Variants in AVL9 observed in about 807,000 individuals in gnomAD.
The protein encoded by AVL9 is late secretory pathway protein AVL9 homolog.
In AVL9, 49 loss-of-function variants were observed where a neutral mutation model predicts 79.2. The observed-to-expected ratio is 0.62, with a 90% CI of 0.49 to 0.79. The LOEUF is 0.79. Ranked by LOEUF, AVL9 falls within the 30% of genes least tolerant of loss-of-function variation. The pLI is 0.00. For synonymous variants in AVL9, 299 were observed against 280.6 expected, an observed-to-expected ratio of 1.07 and a Z score of -0.65; for missense variants, 682 against 776.8, an observed-to-expected ratio of 0.88 and a Z score of 1.45.
intron 4 of AVL9, among the ~76,000 whole-genome samples, chr7:32,549,457 G>A (rs1362208505): frequency 2.0e-5 from 3 of 151,622 alleles, no homozygotes; most frequent in African/African-American, 4.8e-5. Flanking sequence ...AAACTCCTGA[G>A]CTCAAGCAAC....
At chr7:32,562,284 A>G (rs73099500) in intron 10 of AVL9, among the ~76,000 whole-genome samples, 9,688 of 151,940 alleles carry the variant, frequency 0.064, 370 homozygotes, top group Non-Finnish European at 0.085. Flanking sequence ...TTTTAAAAGA[A>G]AAAAGCTTAG....
intron 13 of AVL9, among the ~76,000 whole-genome samples, chr7:32,576,372 C>A (rs1352908606): frequency 3.3e-5 from 5 of 152,178 alleles, no homozygotes; most frequent in Admixed American, 3.3e-4. Flanking sequence ...TTCTCTTTCT[C>A]CCTGGAGCTG....
At chr7:32,541,930 G>C (rs1789229115) in intron 1 of AVL9, among the ~76,000 whole-genome samples, 1 of 151,958 alleles carries the variant, frequency 6.6e-6, no homozygotes, top group Non-Finnish European at 1.5e-5. Flanking sequence ...GGCCAGGCTG[G>C]TCTCGAACTT....
chr7:32,501,950 A>G (rs1420716716), intron 1 of AVL9, among the ~76,000 whole-genome samples: 1 of 152,102 alleles, frequency 6.6e-6, no homozygotes, highest in Non-Finnish European at 1.5e-5. Flanking sequence ...CCTTTTTTAT[A>G]TGGATTAAGA....
At chr7:32,514,818 CCTATCTCCCTTCA>C (rs1787839372) in intron 1 of AVL9, among the ~76,000 whole-genome samples, 1 of 152,206 alleles carries the variant, frequency 6.6e-6, no homozygotes, top group Admixed American at 6.5e-5. Flanking sequence ...CAGCCCCACC[CCTATCTCCCTTCA>C]CTGACTCTCT....
intron 1 of AVL9, among the ~76,000 whole-genome samples, chr7:32,506,335 T>C (rs922947398): frequency 1.3e-5 from 2 of 152,172 alleles, no homozygotes; most frequent in Admixed American, 1.3e-4. Context: ...GGGTCATTAT[T>C]AAGTAAAATA....
chr7:32,568,937 G>A (rs932729926), intron 10 of AVL9, among the ~76,000 whole-genome samples: 1 of 152,170 alleles, frequency 6.6e-6, no homozygotes, highest in Non-Finnish European at 1.5e-5. Context: ...ACATTTTCAA[G>A]AGTAAGAATA....
chr7:32,505,259 C>T (rs1481503473), intron 1 of AVL9, among the ~76,000 whole-genome samples: 3 of 151,790 alleles, frequency 2.0e-5, no homozygotes, highest in Non-Finnish European at 2.9e-5. Context: ...GGCGTGGTGG[C>T]TTACGCCTGT....
At chr7:32,581,066 G>A (rs1036887470) in intron 15 of AVL9, 176 bp downstream of exon 15, 2 of 568,520 alleles carry the variant, frequency 3.5e-6, no homozygotes, top group African/African-American at 5.4e-5. Context: ...ATTCCAAATG[G>A]TCAAACTCCA....
chr7:32,566,180 A>ATCTTTTTTTTT (rs70992731), intron 10 of AVL9, among the ~76,000 whole-genome samples: 42 of 93,848 alleles, frequency 4.5e-4, no homozygotes, highest in East Asian at 9.9e-4. Flanking sequence ...TATTATTATT[A>ATCTTTTTTTTT]TTTTTTTTTT....
intron 10 of AVL9, among the ~76,000 whole-genome samples, chr7:32,566,174 A>ATTTTTTTTT (rs1562792833): frequency 7.7e-6 from 1 of 129,902 alleles, no homozygotes; most frequent in East Asian, 2.3e-4. Context: ...TTTAATTATT[A>ATTTTTTTTT]TTATTATTTT....
chr7:32,583,933 T>C lies in AVL9; in HGVS notation c.*26T>C. On this transcript the variant is annotated 3_prime_UTR_variant, in exon 16 of 16. Coordinates refer to ENST00000318709, the MANE Select transcript of AVL9 (RefSeq NM_015060.3). ...GCAAGGCGTCAGAGGCTGCTATTGC[T>C]TTCTGAGGTTTAAGTGTCCCCTGTC... is the stretch of plus-strand genomic sequence containing the variant. The C allele has an allele frequency of 6.5e-7, 1 of 1,545,444 alleles. No homozygotes were observed. Among genetic ancestry groups the C allele is most frequent in the Non-Finnish European group, 8.9e-7 (1 of 1,118,210 alleles).
At chr7:32,532,412 G>T (rs1032835023) in intron 1 of AVL9, 1 of 152,152 alleles carries the variant, frequency 6.6e-6, no homozygotes, top group Admixed American at 6.6e-5. Flanking sequence ...CCACTTCAAG[G>T]TGGTGTTTTA....
chr7:32,544,402 T>A (rs1443868004), intron 2 of AVL9, among the ~76,000 whole-genome samples: 1 of 152,226 alleles, frequency 6.6e-6, no homozygotes, highest in Non-Finnish European at 1.5e-5. Context: ...ACTGTCTACT[T>A]TCTTTTCATC....
chr7:32,567,975 C>T (rs12673646), intron 10 of AVL9, among the ~76,000 whole-genome samples: 75,860 of 151,394 alleles, frequency 0.5, 20,684 homozygotes, highest in Admixed American at 0.65. Flanking sequence ...CCTCTTCAGC[C>T]TCCCAAAGTG....
chr7:32,504,297 T>C (rs1033993824), intron 1 of AVL9, among the ~76,000 whole-genome samples: 5 of 152,240 alleles, frequency 3.3e-5, no homozygotes, highest in African/African-American at 1.2e-4. Context: ...TTTATAGCTT[T>C]GATGACATCT....
chr7:32,512,953 T>TGGGATCCATAAGGAGGCATGGA (rs1554334334), intron 1 of AVL9, among the ~76,000 whole-genome samples: 384 of 151,766 alleles, frequency 2.5e-3, no homozygotes, highest in Middle Eastern at 0.01. Flanking sequence ...AATTTGTGTA[T>TGGGATCCATAAGGAGGCATGGA]GGGATCCATG....
intron 11 of AVL9, among the ~76,000 whole-genome samples, chr7:32,570,955 C>T (rs1309341119): frequency 2.8e-5 from 4 of 143,384 alleles, no homozygotes; most frequent in East Asian, 2.2e-4. Flanking sequence ...TGAGGCTCGG[C>T]GCAGTGGCTC....
chr7:32,570,163 A>T lies in AVL9; in HGVS notation c.1350+9A>T, dbSNP rs747933513. The stretch of plus-strand genomic sequence containing the variant: ...GTGATGCCATTGTGGAAGTACGTTT[A>T]TGTGTGAGTGTGTGTATTTGGCCCT... On this transcript the variant is annotated intron_variant, in intron 11 of 15. Coordinates refer to ENST00000318709, the MANE Select transcript of AVL9 (RefSeq NM_015060.3). The T allele has an allele frequency of 6.2e-7, 1 of 1,614,114 alleles. No homozygotes were observed. Among genetic ancestry groups the T allele is most frequent in the South Asian group, 1.1e-5 (1 of 91,092 alleles).
Sources: gnomAD v4.1 joint callset for allele counts (sites outside exome capture counted in the v4.1 genomes callset) on GRCh38, gnomAD v4.1.1 for gene constraint, MANE v1.5 for transcripts, NCBI Gene and HGNC (gene_info 2026-07-23, HGNC 2026-07-21) for gene names.